EVI5L: variants seen among roughly 807,000 people sequenced by gnomAD.
The protein encoded by EVI5L is EVI5-like protein.
In EVI5L, 30 loss-of-function variants were observed where a neutral mutation model predicts 106.1. That is an observed-to-expected ratio of 0.28 (90% CI 0.21 to 0.38). The LOEUF is 0.38. Among genes scored for constraint, EVI5L ranks in the 10% least tolerant of loss-of-function variants. The pLI is 1.00. For synonymous variants in EVI5L, 489 were observed against 483.3 expected (o/e 1.01, Z -0.15); for missense variants, 809 against 1,098.0 (o/e 0.74, Z 3.72).
intron 8 of EVI5L, chr19:7,852,718 ATT>A: frequency 4.7e-6 from 1 of 212,772 alleles, no homozygotes; most frequent in Non-Finnish European, 9.5e-6. Context: ...TGTCCAGCTA[ATT>A]TTTTTTTTTC....
intron 1 of EVI5L, among the ~76,000 whole-genome samples, chr19:7,841,795 C>G (rs1282326725): frequency 1.3e-5 from 2 of 152,240 alleles, no homozygotes; most frequent in Non-Finnish European, 2.9e-5. Context: ...TCCCCTGCCT[C>G]GCTCCCTACC....
chr19:7,862,299 G>T (rs1174344435), intron 16 of EVI5L, 22 bp downstream of exon 16: 1 of 1,584,004 alleles, frequency 6.3e-7, no homozygotes, highest in Non-Finnish European at 8.6e-7. Flanking sequence ...GGGCCTGCTC[G>T]TTGGGGAAGG....
chr19:7,853,450 C>A lies in EVI5L; in HGVS notation c.1146+117C>A, dbSNP rs1979362351. 5.8e-6 allele frequency: 8 copies of A among 1,374,162 alleles called. No homozygotes were observed. In the Admixed American group the frequency reaches 1.6e-4, roughly 28 times the overall value. 85.1% of individuals were successfully genotyped at this position (1,374,162 alleles called of 1,614,324 possible). A position where few individuals can be genotyped will look rare whatever the true frequency, so the allele number is the denominator to read the frequency against. Reference sequence around the variant, plus strand: ...CTTCCCAGCGCACAGGCGGACCCGGCGGTCCTTGGCGGACAGGCCTCCGCC... The same window carrying A: ...CTTCCCAGCGCACAGGCGGACCCGGAGGTCCTTGGCGGACAGGCCTCCGCC... On this transcript the variant is annotated intron_variant, in intron 10 of 19. Transcript: ENST00000538904.
intron 10 of EVI5L, 59 bp downstream of exon 10, chr19:7,853,392 C>A (rs1264322156): frequency 1.3e-6 from 2 of 1,567,916 alleles, no homozygotes; most frequent in East Asian, 2.3e-5. Context: ...GGCTGCCCTC[C>A]GTACTCTAAA....
Position 7,863,622 on chromosome 19 carries a change from C to T in EVI5L, c.2338C>T (p.Pro780Ser). 6.4e-7 allele frequency: 1 copy of T among 1,558,108 alleles called. No individual in the cohort carries two copies. Among genetic ancestry groups the T allele is most frequent in the Middle Eastern group, 1.7e-4 (1 of 5,988 alleles). The change falls in exon 20 of 20, where the codon CCG becomes TCG. Residue 780 changes from proline (P) to serine (S), a missense_variant. By Grantham distance (74) the Pro-to-Ser change is moderately conservative. Coordinates refer to ENST00000538904, the MANE Select transcript of EVI5L (RefSeq NM_001159944.3). The surrounding 1 kb of genome is among the most constrained non-coding windows in gnomAD (Gnocchi z 7.7). ...GCGCTTCTTCCGCCGTCTGGAGCGG[C>T]CGGCCAAGGACAGCGAGGGCAGCTC... ...DARFFRRLER[P>S]AKDSEGSSDS...
intron 1 of EVI5L, among the ~76,000 whole-genome samples, chr19:7,834,074 C>T (rs528882218): frequency 5.9e-5 from 9 of 152,304 alleles, no homozygotes; most frequent in East Asian, 1.9e-4. Context: ...AGGCCCGGCA[C>T]GGTGGCTCAC....
At chr19:7,855,344 G>A (rs997069417) in intron 10 of EVI5L, among the ~76,000 whole-genome samples, 6 of 151,924 alleles carry the variant, frequency 3.9e-5, no homozygotes, top group East Asian at 1.9e-4. Flanking sequence ...TGCCTGCCTC[G>A]GCCTCCCAAA....
chr19:7,852,729 TCAGAAATGGGG>T, intron 8 of EVI5L: 1 of 253,098 alleles, frequency 4.0e-6, no homozygotes, highest in Non-Finnish European at 7.8e-6. Flanking sequence ...TTTTTTTTTT[TCAGAAATGGGG>T]TCTCACTATG....
Position 7,863,663 on chromosome 19 carries a change from T to C in EVI5L, c.2379T>C (p.Asp793=). The C allele has an allele frequency of 4.6e-6, 7 of 1,534,930 alleles. No individual in the cohort carries two copies. Among genetic ancestry groups the C allele is most frequent in the Non-Finnish European group, 6.1e-6 (7 of 1,142,656 alleles). Residue 793 remains aspartate, a synonymous_variant, in exon 20 of 20, where the codon GAT becomes GAC. Coordinates refer to ENST00000538904, the MANE Select transcript of EVI5L (RefSeq NM_001159944.3). The surrounding 1 kb of genome is among the most constrained non-coding windows in gnomAD (Gnocchi z 7.7). The part of the protein sequence containing the change: ...DSEGSSDSDA[D]ELAAPYSQGL... ...AGGGCAGCTCAGACAGCGACGCCGA[T>C]GAGCTGGCCGCGCCCTACAGCCAGG...
chr19:7,862,320 C>A, intron 16 of EVI5L, 43 bp downstream of exon 16: 1 of 1,581,820 alleles, frequency 6.3e-7, no homozygotes, highest in Non-Finnish European at 8.6e-7. Flanking sequence ...GGCGTGGTGT[C>A]CGTGGCCAGC....
At chr19:7,844,149 G>A (rs550698171) in intron 1 of EVI5L, among the ~76,000 whole-genome samples, 11 of 151,672 alleles carry the variant, frequency 7.3e-5, no homozygotes, top group African/African-American at 2.4e-4. Flanking sequence ...TCAGGAGTTC[G>A]AGACCAGCCT....
In EVI5L at chr19:7,848,059, C is replaced by T. The variant is rs1337503775; in HGVS notation, c.327+138C>T. ...AGCAGTGGAGATGTGCAGGCACTTT[C>T]AGGGTGTCCTGCCAGAGCACAGGGA... is the stretch of plus-strand genomic sequence containing the variant. On this transcript the variant is annotated intron_variant, in intron 3 of 19. Transcript: ENST00000538904. This position sits in a 1 kb window ranked among gnomAD's most constrained non-coding sequence, Gnocchi z 4.8. 8 of 937,498 alleles carry T rather than the reference C, an allele frequency of 8.5e-6. No individual in the cohort carries two copies. The highest frequency in any genetic ancestry group is 4.7e-6 in the Non-Finnish European group (3 of 643,988). 58.1% of individuals were successfully genotyped at this position (937,498 alleles called of 1,614,324 possible).
Position 7,863,723 on chromosome 19 carries a change from G to T in EVI5L, c.*21G>T. ...ACTGAGGCCATGCCCAGCGCGCCCG[G>T]AGTCAGGAGGCCGCAGCCGCGGGGG... On this transcript the variant is annotated 3_prime_UTR_variant, in exon 20 of 20. Transcript: ENST00000538904. This position sits in a 1 kb window ranked among gnomAD's most constrained non-coding sequence, Gnocchi z 7.7. 6.9e-7 allele frequency: 1 copy of T among 1,439,110 alleles called. No individual in the cohort carries two copies. Among genetic ancestry groups the T allele is most frequent in the South Asian group, 1.4e-5 (1 of 69,418 alleles). The allele number at this position is 1,439,110 out of a possible 1,614,324, so 89.1% of individuals were successfully genotyped here.
Position 7,857,110 on chromosome 19 carries a change from G to C in EVI5L, c.1219G>C (p.Asp407His). 1 of 1,551,784 alleles carries C rather than the reference G, an allele frequency of 6.4e-7. No homozygotes were observed. Among genetic ancestry groups the C allele is most frequent in the Non-Finnish European group, 8.7e-7 (1 of 1,147,002 alleles). Residue 407 changes from aspartate (D) to histidine (H), a missense_variant, in exon 12 of 20, where the codon GAT becomes CAT. This residue lies in a region of EVI5L where 357 missense variants were observed against 588.1 expected (regional missense o/e 0.61). Coordinates refer to ENST00000538904, the MANE Select transcript of EVI5L (RefSeq NM_001159944.3). The surrounding 1 kb of genome is among the most constrained non-coding windows in gnomAD (Gnocchi z 4.5). ...CGGGTAGGAGAGCGCTGCTCTGGCT[G>C]ATAGGTTAATCCAGGTACTGTAGCT... The part of the protein sequence containing the change: ...TLEKESAALA[D>H]RLIQGQVTRA...
rs1040174495 is a variant in EVI5L at position 7,852,979 on chromosome 19, C to T, written c.988-107C>T. 5 of 1,054,268 alleles carry T rather than the reference C, an allele frequency of 4.7e-6. No homozygotes were observed. In the Admixed American group the frequency reaches 5.7e-5, roughly 12 times the overall value. 65.3% of individuals were successfully genotyped at this position (1,054,268 alleles called of 1,614,324 possible). A position where few individuals can be genotyped will look rare whatever the true frequency, so the allele number is the denominator to read the frequency against. ...CACGGCGTTGAGGACATGGCGACAC[C>T]CCGGGCAGACCCGTTCCTGCCCCCC... On this transcript the variant is annotated intron_variant, in intron 8 of 19. Coordinates refer to ENST00000538904, the MANE Select transcript of EVI5L (RefSeq NM_001159944.3).
At position 7,845,551 on chromosome 19, in the gene EVI5L, G is replaced by A. The variant is rs1366591402; in HGVS notation, c.-47-945G>A. On this transcript the variant is annotated intron_variant, in intron 1 of 19. Transcript: ENST00000538904. The surrounding 1 kb of genome is among the most constrained non-coding windows in gnomAD (Gnocchi z 4.0). ...CTCAGTTTCCACAGCCACCCTTGAG[G>A]CTAGGTCCTGTATGATCTCAGTGTA... is the stretch of plus-strand genomic sequence containing the variant. Among the ~76,000 whole-genome samples the A allele has an allele frequency of 2.6e-5, 4 of 152,190 alleles. No homozygotes were observed. The highest frequency in any genetic ancestry group is 9.7e-5 in the African/African-American group (4 of 41,436).
At chr19:7,844,045 A>G (rs978978630) in intron 1 of EVI5L, among the ~76,000 whole-genome samples, 13 of 151,822 alleles carry the variant, frequency 8.6e-5, no homozygotes, top group African/African-American at 2.7e-4. Context: ...GGTTTGGGGG[A>G]TTTTTAAAAT....
rs894031021 is a variant in EVI5L, at chr19:7,835,160, TAAAC to T, written c.-48+4783_-48+4786del. ...TCTAAAAATAAAATAAAAATAAAAA[TAAAC>T]AAAAAAAATTGAGGCAAAATACATC... On this transcript the variant is annotated intron_variant, in intron 1 of 19. Transcript: ENST00000538904. The surrounding 1 kb of genome is among the most constrained non-coding windows in gnomAD (Gnocchi z 4.1). Among the ~76,000 whole-genome samples, 4 of 148,848 alleles carry T rather than the reference TAAAC, an allele frequency of 2.7e-5. No homozygotes were observed. Among genetic ancestry groups the T allele is most frequent in the Non-Finnish European group, 6.0e-5 (4 of 67,218 alleles).
intron 13 of EVI5L, chr19:7,859,213 TAACTG>T (rs958147653): frequency 4.7e-5 from 7 of 149,336 alleles, no homozygotes; most frequent in African/African-American, 1.7e-4. Flanking sequence ...AAAAAAAACT[TAACTG>T]CAGCTGCACT....
Sources: gnomAD v4.1 joint callset for allele counts (sites outside exome capture counted in the v4.1 genomes callset) on GRCh38, gnomAD v4.1.1 for gene constraint, gnomAD v4.1.1 regional missense constraint, Gnocchi (gnomAD v3.1) non-coding constraint, MANE v1.5 for transcripts, NCBI Gene and HGNC (gene_info 2026-07-23, HGNC 2026-07-21) for gene names.